The following ARHGAP35 variants were observed in gnomAD, a reference collection of about 807,000 sequenced individuals.
The protein encoded by ARHGAP35 is Rho GTPase activating protein 35.
Under a neutral mutation model 111.1 loss-of-function variants are expected in ARHGAP35, and 15 were observed. The ratio of observed to expected loss-of-function variants is 0.13; its 90% CI spans 0.09 to 0.21. The LOEUF (loss-of-function observed/expected upper bound fraction) is 0.21. Ranked by LOEUF, ARHGAP35 falls within the 10% of genes least tolerant of loss-of-function variation. The pLI, the probability that ARHGAP35 is intolerant of heterozygous loss-of-function variation, is 1.00. For synonymous variants in ARHGAP35, 643 were observed against 710.3 expected, an observed-to-expected ratio of 0.91 and a Z score of 1.51; for missense variants, 1,262 against 1,873.0, an observed-to-expected ratio of 0.67 and a Z score of 6.02.
intron 5 of ARHGAP35, among the ~76,000 whole-genome samples, chr19:46,996,519 T>A (rs1010592287): frequency 3.4e-5 from 5 of 145,104 alleles, no homozygotes; most frequent in Admixed American, 3.4e-4. Context: ...AGCAGGCATC[T>A]CTGGCAGACC....
At chr19:46,973,201 A>G (rs1436080194) in intron 3 of ARHGAP35, among the ~76,000 whole-genome samples, 5 of 152,010 alleles carry the variant, frequency 3.3e-5, no homozygotes, top group African/African-American at 1.2e-4. Flanking sequence ...TGTCTCTTCT[A>G]AAAATACAAA....
At chr19:46,912,269 C>A (rs1363775261) in intron 1 of ARHGAP35, among the ~76,000 whole-genome samples, 1 of 151,958 alleles carries the variant, frequency 6.6e-6, no homozygotes, top group Non-Finnish European at 1.5e-5. Context: ...GTCTCAAACT[C>A]CTGACCTCAG....
At chr19:46,946,165 C>G (rs959013192) in intron 3 of ARHGAP35, among the ~76,000 whole-genome samples, 3 of 152,366 alleles carry the variant, frequency 2.0e-5, no homozygotes, top group Admixed American at 2.0e-4. Context: ...TCCCTCACCC[C>G]GCTTTCTGTT....
chr19:46,952,164 A>G (rs1193615073), intron 3 of ARHGAP35, among the ~76,000 whole-genome samples: 1 of 152,240 alleles, frequency 6.6e-6, no homozygotes, highest in Non-Finnish European at 1.5e-5. Flanking sequence ...CCTTGTATCA[A>G]AATATCACAT....
intron 3 of ARHGAP35, among the ~76,000 whole-genome samples, chr19:46,944,112 C>T (rs1599838022): frequency 6.6e-6 from 1 of 152,142 alleles, no homozygotes; most frequent in African/African-American, 2.4e-5. Context: ...CCAACCCTGG[C>T]AACATGGTAA....
intron 1 of ARHGAP35, among the ~76,000 whole-genome samples, chr19:46,883,078 T>TG (rs1349723414): frequency 2.6e-5 from 4 of 152,038 alleles, no homozygotes; most frequent in African/African-American, 9.7e-5. Flanking sequence ...GAGGCCATTG[T>TG]GGGATTATTA....
intron 1 of ARHGAP35, among the ~76,000 whole-genome samples, chr19:46,892,293 A>G (rs1257541053): frequency 1.4e-5 from 2 of 145,700 alleles, no homozygotes; most frequent in African/African-American, 5.1e-5. Context: ...ACAGAGCGAG[A>G]CTTTGTCTCA....
chr19:46,914,135 T>C (rs1367266551), intron 1 of ARHGAP35, among the ~76,000 whole-genome samples: 1 of 152,246 alleles, frequency 6.6e-6, no homozygotes, highest in East Asian at 1.9e-4. Context: ...ATTGAGGAAC[T>C]AGTAAAACTG....
rs1205432296 is a variant in ARHGAP35, at chr19:46,921,234, T to C, written c.2559T>C (p.His853=). Residue 853 remains histidine, a synonymous_variant, in exon 2 of 7, where the codon CAT becomes CAC. Transcript: ENST00000672722. The surrounding 1 kb of genome is among the most constrained non-coding windows in gnomAD (Gnocchi z 4.3). The stretch of plus-strand genomic sequence containing the variant: ...GCATCAGAAAGAGCCGGTTGGTTCA[T>C]GGGTACATTGTTTTTTATTCAGCCA... ...SFSIRKSRLV[H]GYIVFYSAKR... 2.5e-6 allele frequency: 4 copies of C among 1,614,018 alleles called. No homozygotes were observed. Among genetic ancestry groups the C allele is most frequent in the Non-Finnish European group, 3.4e-6 (4 of 1,179,896 alleles).
chr19:46,934,622 C>T (rs1318426893), intron 2 of ARHGAP35, among the ~76,000 whole-genome samples: 1 of 152,064 alleles, frequency 6.6e-6, no homozygotes, highest in East Asian at 1.9e-4. Context: ...CCGCCTTGCC[C>T]TCCCAAAGTG....
rs2056539774 is a variant in ARHGAP35 at position 46,970,450 on chromosome 19, C to CTAA, written c.3827-17539_3827-17538insTAA. On this transcript the variant is annotated intron_variant, in intron 3 of 6. Coordinates refer to ENST00000672722, the MANE Select transcript of ARHGAP35 (RefSeq NM_004491.5). ...ATGTTCCTTACGTAGGGGTGCTTAA[C>CTAA]CTAAGGTCTGTGGATAGGCTATGGA... 3.9e-5 allele frequency among the ~76,000 whole-genome samples: 6 copies of CTAA among 152,250 alleles called. No homozygotes were observed. In the South Asian group the frequency reaches 1.2e-3, roughly 32 times the overall value.
chr19:46,923,673 CT>C (rs1283679531), intron 2 of ARHGAP35, among the ~76,000 whole-genome samples: 1 of 151,782 alleles, frequency 6.6e-6, no homozygotes, highest in African/African-American at 2.4e-5. Context: ...AATCCCAGCA[CT>C]TTTGGAGGCC....
At chr19:46,951,798 C>CAG (rs1215651254) in intron 3 of ARHGAP35, among the ~76,000 whole-genome samples, 1 of 152,158 alleles carries the variant, frequency 6.6e-6, no homozygotes, top group African/African-American at 2.4e-5. Context: ...CTTCAAGACC[C>CAG]AGTATGGGTG....
intron 1 of ARHGAP35, among the ~76,000 whole-genome samples, chr19:46,871,151 G>T (rs374784899): frequency 2.8e-4 from 42 of 152,326 alleles, no homozygotes; most frequent in African/African-American, 1.0e-3. Context: ...TGTCACAAGT[G>T]TGAAAGCATT....
intron 1 of ARHGAP35, among the ~76,000 whole-genome samples, 196 bp downstream of exon 1, chr19:46,861,405 G>A (rs1198513203): frequency 6.7e-6 from 1 of 148,490 alleles, no homozygotes; most frequent in Non-Finnish European, 1.5e-5. Context: ...CCCGGCCCGT[G>A]GGGCCCTCCT....
At chr19:46,889,943 T>TC (rs2056016125) in intron 1 of ARHGAP35, among the ~76,000 whole-genome samples, 1 of 152,118 alleles carries the variant, frequency 6.6e-6, no homozygotes, top group Non-Finnish European at 1.5e-5. Flanking sequence ...GAACTTGAGG[T>TC]TCTGTAGACC....
At chr19:46,905,562 C>CA (rs75027470) in intron 1 of ARHGAP35, among the ~76,000 whole-genome samples, 1 of 147,500 alleles carries the variant, frequency 6.8e-6, no homozygotes, top group African/African-American at 2.5e-5. Flanking sequence ...TCCACCCCCC[C>CA]CCCCCAAGAC....
chr19:46,870,905 C>T (rs1351983571), intron 1 of ARHGAP35, among the ~76,000 whole-genome samples: 7 of 152,054 alleles, frequency 4.6e-5, no homozygotes. Context: ...GTGTCCATTT[C>T]TGAATTTTTT....
At chr19:46,874,680 T>TTTA (rs1439408771) in intron 1 of ARHGAP35, among the ~76,000 whole-genome samples, 1 of 151,076 alleles carries the variant, frequency 6.6e-6, no homozygotes, top group Non-Finnish European at 1.5e-5. Context: ...AATTTTTGTA[T>TTTA]TTTTGATAGA....
Sources: allele counts gnomAD v4.1 joint callset (sites outside exome capture counted in the v4.1 genomes callset), GRCh38; gene constraint gnomAD v4.1.1; non-coding constraint Gnocchi (gnomAD v3.1); transcripts MANE v1.5; gene names NCBI Gene and HGNC (gene_info 2026-07-23, HGNC 2026-07-21).